Variants in SH2B1 observed in about 807,000 individuals in gnomAD.
The protein encoded by SH2B1 is SH2B adaptor protein 1.
Under a neutral mutation model 62.6 loss-of-function variants are expected in SH2B1, and 15 were observed. The ratio of observed to expected loss-of-function variants is 0.24; its 90% CI spans 0.16 to 0.37. The LOEUF (loss-of-function observed/expected upper bound fraction) is 0.37. Among genes scored for constraint, SH2B1 ranks in the 10% least tolerant of loss-of-function variants. SH2B1 has a pLI of 1.00. For synonymous variants in SH2B1, 443 were observed against 438.0 expected (o/e 1.01, Z -0.14); for missense variants, 925 against 1,015.6 (o/e 0.91, Z 1.21).
intron 2 of SH2B1, among the ~76,000 whole-genome samples, chr16:28,868,307 T>C (rs893187951): frequency 1.3e-5 from 2 of 150,812 alleles, no homozygotes; most frequent in African/African-American, 4.9e-5. Context: ...GCCCGGATAA[T>C]TTTTTTGTAT....
intron 1 of SH2B1, among the ~76,000 whole-genome samples, chr16:28,857,411 CG>C (rs1211871330): frequency 1.3e-5 from 1 of 78,794 alleles, no homozygotes; most frequent in African/African-American, 5.2e-5. Context: ...GGAGTGGGGG[CG>C]GGGGGGTGAA....
Position 28,872,948 on chromosome 16 carries a change from T to C in SH2B1, c.1897+243T>C. ...GGCAGCTGAGAGGTGGGCGGGCGCA[T>C]CCCCATTCCATCGGATCCTCTGTTC... On this transcript the variant is annotated intron_variant, in intron 7 of 7. Transcript: ENST00000684370. The surrounding 1 kb of genome is among the most constrained non-coding windows in gnomAD (Gnocchi z 5.3). 1 of 643,358 alleles carries C rather than the reference T, an allele frequency of 1.6e-6. No individual in the cohort carries two copies. The highest frequency in any genetic ancestry group is 2.7e-6 in the Non-Finnish European group (1 of 370,438). The allele number at this position is 643,358 out of a possible 1,614,324, so 39.9% of individuals were successfully genotyped here.
At chr16:28,870,765 C>G (rs1254854382) in intron 4 of SH2B1, among the ~76,000 whole-genome samples, 1 of 152,048 alleles carries the variant, frequency 6.6e-6, no homozygotes, top group Non-Finnish European at 1.5e-5. Context: ...CTTCCTGCAG[C>G]CTTGACCTCC....
At position 28,873,534 on chromosome 16, in the gene SH2B1, G is replaced by C; in HGVS notation, c.1985G>C (p.Arg662Thr). ...CAGCCTGGGGCAGAAGAGGCGTCGA[G>C]GGCGCCAGAAGTGGCGGCAGCAGCA... ...PPQPGAEEAS[R>T]APEVAAAAAA... The change falls in exon 8 of 8, where the codon AGG becomes ACG. Residue 662 changes from arginine to threonine, a missense_variant. Coordinates refer to ENST00000684370, the MANE Select transcript of SH2B1 (RefSeq NM_001387430.1). This position sits in a 1 kb window ranked among gnomAD's most constrained non-coding sequence, Gnocchi z 4.2. The C allele has an allele frequency of 6.2e-7, 1 of 1,605,928 alleles. No individual in the cohort carries two copies. Among genetic ancestry groups the C allele is most frequent in the South Asian group, 1.1e-5 (1 of 90,222 alleles).
intron 1 of SH2B1, among the ~76,000 whole-genome samples, chr16:28,853,597 C>G (rs1048416133): frequency 1.3e-5 from 2 of 150,668 alleles, no homozygotes; most frequent in Non-Finnish European, 2.9e-5. Flanking sequence ...TCAAGCAATC[C>G]TCCCACTTTA....
In SH2B1 at chr16:28,864,353, AG is replaced by A; in HGVS notation, c.-1737del. ...GGAGTCGCAGGGTCAGCGGGCCTGA[AG>A]GGGGCTGGGTCTGTCTGCGGTGCGG... On this transcript the variant is annotated 5_prime_UTR_variant, in exon 1 of 8. Transcript: ENST00000684370. 11 of 992,780 alleles carry A rather than the reference AG, an allele frequency of 1.1e-5. No homozygotes were observed. Among genetic ancestry groups the A allele is most frequent in the Non-Finnish European group, 1.3e-5 (11 of 834,298 alleles). The allele number at this position is 992,780 out of a possible 1,614,324, so 61.5% of individuals were successfully genotyped here.
intron 1 of SH2B1, among the ~76,000 whole-genome samples, chr16:28,853,873 C>T (rs1328185967): frequency 2.6e-5 from 4 of 151,404 alleles, no homozygotes; most frequent in South Asian, 2.1e-4. Flanking sequence ...AGGTGGTGCA[C>T]GCCTGTAGTC....
chr16:28,864,815 A>G lies in SH2B1; in HGVS notation c.-1280A>G, dbSNP rs72793816. 147 of 322,740 alleles carry G rather than the reference A, an allele frequency of 4.6e-4. No individual in the cohort carries two copies. Among genetic ancestry groups the G allele is most frequent in the Non-Finnish European group, 5.9e-4 (132 of 224,384 alleles). 20.0% of individuals were successfully genotyped at this position (322,740 alleles called of 1,614,324 possible). A position where few individuals can be genotyped will look rare whatever the true frequency, so the allele number is the denominator to read the frequency against. ...TATTTTAGAAAATTGGAACAATAAT[A>G]TTCTTCTCCCACATGAAGATAGTAA... On this transcript the variant is annotated 5_prime_UTR_variant, in exon 1 of 8. It adds an upstream start codon to the 5' untranslated region. Transcript: ENST00000684370.
At chr16:28,847,734 G>A (rs1330316488) in intron 1 of SH2B1, among the ~76,000 whole-genome samples, 5 of 151,212 alleles carry the variant, frequency 3.3e-5, no homozygotes, top group African/African-American at 1.2e-4. Flanking sequence ...CAGGAGGATC[G>A]CCTGAGCTCA....
intron 1 of SH2B1, among the ~76,000 whole-genome samples, chr16:28,848,035 A>G (rs1350828357): frequency 6.6e-6 from 1 of 151,828 alleles, no homozygotes; most frequent in Non-Finnish European, 1.5e-5. Context: ...CTCGTTGGCC[A>G]GACGGCTCTC....
At chr16:28,852,664 A>G (rs1242524374) in intron 1 of SH2B1, among the ~76,000 whole-genome samples, 1 of 92,998 alleles carries the variant, frequency 1.1e-5, no homozygotes, top group Admixed American at 1.9e-4. Context: ...ATACACATAT[A>G]TATTTATATA....
At position 28,873,560 on chromosome 16, in the gene SH2B1, G is replaced by A. The variant is rs889373625; in HGVS notation, c.2011G>A (p.Ala671Thr). ...GGCGCCAGAAGTGGCGGCAGCAGCA[G>A]CCGCAGCAGCCAAAGAGAGGCAAGA... Reference protein sequence around the residue: ...SRAPEVAAAAAAAAKERQEKE... With the variant: ...SRAPEVAAAATAAAKERQEKE... The change falls in exon 8 of 8, where the codon GCC becomes ACC. Residue 671 changes from alanine (A) to threonine (T), a missense_variant. By Grantham distance (58) the Ala-to-Thr change is moderately conservative (BLOSUM62 0). Around this residue, in one of 3 missense-constraint regions of SH2B1, gnomAD observed 185 missense variants for 189.5 expected, o/e 0.98. Coordinates refer to ENST00000684370, the MANE Select transcript of SH2B1 (RefSeq NM_001387430.1). This position sits in a 1 kb window ranked among gnomAD's most constrained non-coding sequence, Gnocchi z 4.2. 5 of 1,597,516 alleles carry A rather than the reference G, an allele frequency of 3.1e-6. No homozygotes were observed. Among genetic ancestry groups the A allele is most frequent in the Non-Finnish European group, 4.3e-6 (5 of 1,172,718 alleles).
Position 28,869,253 on chromosome 16 carries a change from C to T in SH2B1, c.1179C>T (p.Ala393=), listed in dbSNP as rs376548199. The T allele has an allele frequency of 4.6e-5, 74 of 1,614,166 alleles. No homozygotes were observed. The highest frequency in any genetic ancestry group is 5.7e-5 in the Non-Finnish European group (67 of 1,180,012). ...CCCGCCCCATGACCCTCCCTCTGGC[C>T]CCTGGGACCTCATTCCTTACAAGGG... ...TSPRPMTLPL[A]PGTSFLTREN... Residue 393 remains alanine (A), a synonymous_variant, in exon 4 of 8, where the codon GCC becomes GCT. Transcript: ENST00000684370.
chr16:28,872,266 G>T lies in SH2B1; in HGVS notation c.1590G>T (p.Gly530=). The change falls in exon 6 of 8, where the codon GGG becomes GGT. Residue 530 remains glycine (G), a synonymous_variant. Coordinates refer to ENST00000684370, the MANE Select transcript of SH2B1 (RefSeq NM_001387430.1). The surrounding 1 kb of genome is among the most constrained non-coding windows in gnomAD (Gnocchi z 5.3). The part of the protein sequence containing the change: ...QPLSGYPWFH[G]MLSRLKAAQL... ...TCTCAGGGTATCCTTGGTTCCACGG[G>T]ATGCTCTCTCGGCTCAAGGCTGCAC... 1 of 1,614,098 alleles carries T rather than the reference G, an allele frequency of 6.2e-7. No individual in the cohort carries two copies. The highest frequency in any genetic ancestry group is 8.5e-7 in the Non-Finnish European group (1 of 1,179,950).
chr16:28,865,205 C>T lies in SH2B1; in HGVS notation c.-890C>T. On this transcript the variant is annotated 5_prime_UTR_variant, in exon 1 of 8. Coordinates refer to ENST00000684370, the MANE Select transcript of SH2B1 (RefSeq NM_001387430.1). ...CAGCAAAGACTTGACCTGAGCCAAC[C>T]CAGTTTCTCCTCTGGGGCCCCTGCG... The T allele has an allele frequency of 1.0e-6, 1 of 985,596 alleles. No individual in the cohort carries two copies. Among genetic ancestry groups the T allele is most frequent in the Non-Finnish European group, 1.2e-6 (1 of 829,952 alleles). The allele number at this position is 985,596 out of a possible 1,614,324, so 61.1% of individuals were successfully genotyped here.
In SH2B1 at chr16:28,872,617, C is replaced by A. The variant is rs1184553660; in HGVS notation, c.1809C>A (p.His603Gln). 1 of 1,614,094 alleles carries A rather than the reference C, an allele frequency of 6.2e-7. No individual in the cohort carries two copies. The highest frequency in any genetic ancestry group is 8.5e-7 in the Non-Finnish European group (1 of 1,180,040). ...AGTCCATTTTCGATATGCTCGAGCACTTCCGGGTGCACCCCATCCCTTTGG... is the reference window on the plus strand; with the variant it reads ...AGTCCATTTTCGATATGCTCGAGCAATTCCGGGTGCACCCCATCCCTTTGG... ...WFQSIFDMLE[H>Q]FRVHPIPLES... The change falls in exon 7 of 8, where the codon CAC (histidine) becomes CAA (glutamine). Residue 603 changes from histidine to glutamine, a missense_variant. By Grantham distance (24) the His-to-Gln change is conservative. Around this residue, in one of 3 missense-constraint regions of SH2B1, gnomAD observed 57 missense variants for 122.1 expected, o/e 0.47. Coordinates refer to ENST00000684370, the MANE Select transcript of SH2B1 (RefSeq NM_001387430.1). This position sits in a 1 kb window ranked among gnomAD's most constrained non-coding sequence, Gnocchi z 5.3.
chr16:28,872,961 G>A lies in SH2B1; in HGVS notation c.1897+256G>A, dbSNP rs1963125631. 22 of 638,830 alleles carry A rather than the reference G, an allele frequency of 3.4e-5. No individual in the cohort carries two copies. Among genetic ancestry groups the A allele is most frequent in the South Asian group, 3.2e-4 (17 of 52,322 alleles). The allele number at this position is 638,830 out of a possible 1,614,324, so 39.6% of individuals were successfully genotyped here. ...TGGGCGGGCGCATCCCCATTCCATC[G>A]GATCCTCTGTTCCATTGTCTGTCTG... is the stretch of plus-strand genomic sequence containing the variant. On this transcript the variant is annotated intron_variant, in intron 7 of 7. Coordinates refer to ENST00000684370, the MANE Select transcript of SH2B1 (RefSeq NM_001387430.1). The surrounding 1 kb of genome is among the most constrained non-coding windows in gnomAD (Gnocchi z 5.3).
chr16:28,846,626 G>A (rs942325586), upstream of SH2B1: 14 of 340,778 alleles, frequency 4.1e-5, no homozygotes, highest in African/African-American at 6.3e-5. Flanking sequence ...TCAGGTCGGC[G>A]GGCTGTGGAG....
At chr16:28,857,675 G>A (rs1014264029) in intron 1 of SH2B1, among the ~76,000 whole-genome samples, 4 of 151,752 alleles carry the variant, frequency 2.6e-5, no homozygotes, top group East Asian at 1.9e-4. Context: ...AGCAGGGCAC[G>A]TCACCTCCCA....
Sources: allele counts gnomAD v4.1 joint callset (sites outside exome capture counted in the v4.1 genomes callset), GRCh38; gene constraint gnomAD v4.1.1; regional missense constraint gnomAD v4.1.1; non-coding constraint Gnocchi (gnomAD v3.1); transcripts MANE v1.5; gene names NCBI Gene and HGNC (gene_info 2026-07-23, HGNC 2026-07-21).